The following MMP26 variants were observed in gnomAD, a reference collection of about 807,000 sequenced individuals.
The protein encoded by MMP26 is matrix metallopeptidase 26, also known as matrix metalloproteinase-26.
In MMP26, 33 loss-of-function variants were observed where a neutral mutation model predicts 31.0. That is an observed-to-expected ratio of 1.06 (90% CI 0.81 to 1.42). MMP26 has a LOEUF of 1.42. Among genes scored for constraint, MMP26 ranks in the 40% most tolerant of loss-of-function variants. The pLI is 0.00. For synonymous variants in MMP26, 122 were observed against 114.9 expected (o/e 1.06, Z -0.40); for missense variants, 347 against 316.1 (o/e 1.10, Z -0.74).
intron 2 of MMP26, among the ~76,000 whole-genome samples, chr11:4,881,432 AC>A (rs1341669548): frequency 6.6e-6 from 1 of 152,160 alleles, no homozygotes; most frequent in African/African-American, 2.4e-5. Context: ...ACATATGTAG[AC>A]TTTTATACAT....
intron 1 of MMP26, among the ~76,000 whole-genome samples, chr11:4,712,832 A>G (rs192262699): frequency 7.3e-5 from 11 of 151,498 alleles, no homozygotes; most frequent in Non-Finnish European, 1.5e-4. Flanking sequence ...CTTACAGCTT[A>G]TATCTCTTAT....
chr11:4,791,119 G>A (rs573901033), intron 2 of MMP26, among the ~76,000 whole-genome samples: 31 of 152,188 alleles, frequency 2.0e-4, no homozygotes, highest in African/African-American at 7.5e-4. Context: ...TAAATCTGAA[G>A]CGTACATAAA....
chr11:4,893,325 A>G (rs1045887030), intron 2 of MMP26, among the ~76,000 whole-genome samples: 1 of 152,158 alleles, frequency 6.6e-6, no homozygotes, highest in South Asian at 2.1e-4. Flanking sequence ...ATTAAAATCT[A>G]TACTTCTTAC....
At chr11:4,729,228 G>A (rs753741094) in intron 1 of MMP26, among the ~76,000 whole-genome samples, 20 of 152,062 alleles carry the variant, frequency 1.3e-4, no homozygotes, top group Non-Finnish European at 2.5e-4. Context: ...CAGAGTTTAA[G>A]CAGAAAATTA....
At chr11:4,706,112 A>G (rs1326075025) in intron 1 of MMP26, among the ~76,000 whole-genome samples, 1 of 152,194 alleles carries the variant, frequency 6.6e-6, no homozygotes, top group Non-Finnish European at 1.5e-5. Flanking sequence ...TACAGTGGAA[A>G]GGGGGACTCA....
chr11:4,707,542 T>A (rs1458807412), intron 1 of MMP26, among the ~76,000 whole-genome samples: 1 of 152,168 alleles, frequency 6.6e-6, no homozygotes, highest in Non-Finnish European at 1.5e-5. Context: ...GACCTTGAGG[T>A]CATTACTTGC....
At chr11:4,781,664 G>C (rs1411480239) in intron 2 of MMP26, among the ~76,000 whole-genome samples, 3 of 142,920 alleles carry the variant, frequency 2.1e-5, no homozygotes, top group Non-Finnish European at 4.5e-5. Flanking sequence ...AAACCATTCT[G>C]ATTATATAGT....
intron 2 of MMP26, among the ~76,000 whole-genome samples, chr11:4,982,254 C>T (rs1261479307): frequency 1.3e-5 from 2 of 151,888 alleles, no homozygotes; most frequent in African/African-American, 2.4e-5. Flanking sequence ...ATGTGCTATA[C>T]TTCTGTAGGA....
intron 2 of MMP26, among the ~76,000 whole-genome samples, chr11:4,879,537 C>T (rs184223612): frequency 1.0e-3 from 158 of 152,158 alleles, no homozygotes; most frequent in Non-Finnish European, 2.1e-3. Flanking sequence ...GGCTTGAGTA[C>T]CATTTCTGCA....
chr11:4,818,824 T>C (rs1849454710), intron 2 of MMP26, among the ~76,000 whole-genome samples: 2 of 152,160 alleles, frequency 1.3e-5, no homozygotes, highest in Admixed American at 1.3e-4. Flanking sequence ...GAGTCTTTCA[T>C]TTTATATTAT....
At chr11:4,839,394 C>T (rs1849764274) in intron 2 of MMP26, among the ~76,000 whole-genome samples, 1 of 151,504 alleles carries the variant, frequency 6.6e-6, no homozygotes, top group African/African-American at 2.4e-5. Flanking sequence ...CTTCCCTAAC[C>T]CCAGGCTGCA....
chr11:4,720,003 T>G (rs116211616), intron 1 of MMP26, among the ~76,000 whole-genome samples: 169 of 152,336 alleles, frequency 1.1e-3, no homozygotes, highest in African/African-American at 4.0e-3. Flanking sequence ...ATAAACGAAA[T>G]TTACCATAGA....
chr11:4,988,304 T>G lies in MMP26; in HGVS notation c.93T>G (p.Phe31Leu), dbSNP rs1463589883. 2 of 1,613,830 alleles carry G rather than the reference T, an allele frequency of 1.2e-6. No homozygotes were observed. The highest frequency in any genetic ancestry group is 1.7e-6 in the Non-Finnish European group (2 of 1,179,886). Residue 31 changes from phenylalanine (F) to leucine (L), a missense_variant, in exon 3 of 8, where the codon TTT (phenylalanine) becomes TTG (leucine). By Grantham distance (22) the Phe-to-Leu change is conservative. Coordinates refer to ENST00000380390, the MANE Select transcript of MMP26 (RefSeq NM_021801.5). ...PPAADHKGWDFVEGYFHQFFL... is the reference protein window; with the variant it reads ...PPAADHKGWDLVEGYFHQFFL... ...CTGCAGACCATAAAGGATGGGACTT[T>G]GTTGAGGTAGGTGAACGACTCAGGA... is the stretch of plus-strand genomic sequence containing the variant.
chr11:4,988,391 G>A, intron 3 of MMP26, 81 bp downstream of exon 3: 2 of 989,250 alleles, frequency 2.0e-6, no homozygotes, highest in Non-Finnish European at 3.3e-6. Flanking sequence ...ATGTGTGACT[G>A]CATGGTATAA....
At chr11:4,772,237 G>A (rs34386616) in intron 2 of MMP26, among the ~76,000 whole-genome samples, 14,421 of 152,152 alleles carry the variant, frequency 0.095, 844 homozygotes, top group Middle Eastern at 0.15. Context: ...ATTAAATGCA[G>A]AGGAAAATAA....
intron 1 of MMP26, among the ~76,000 whole-genome samples, chr11:4,722,043 G>A (rs1848019894): frequency 1.3e-5 from 2 of 152,166 alleles, no homozygotes; most frequent in African/African-American, 4.8e-5. Context: ...GAAGTGCATT[G>A]TTCTCACTTT....
At chr11:4,745,844 G>T (rs1848373159) in intron 1 of MMP26, among the ~76,000 whole-genome samples, 1 of 152,156 alleles carries the variant, frequency 6.6e-6, no homozygotes, top group African/African-American at 2.4e-5. Context: ...ATGTCATATA[G>T]TTGGAGTTAT....
chr11:4,888,857 G>A (rs952468971), intron 2 of MMP26, among the ~76,000 whole-genome samples: 1 of 152,110 alleles, frequency 6.6e-6, no homozygotes, highest in African/African-American at 2.4e-5. Flanking sequence ...TTGACTGAAT[G>A]CTCCTCAACA....
chr11:4,790,529 G>C (rs1256207955), intron 2 of MMP26, among the ~76,000 whole-genome samples: 2 of 152,134 alleles, frequency 1.3e-5, no homozygotes, highest in Non-Finnish European at 2.9e-5. Flanking sequence ...TCCAGAAGAA[G>C]GTATGTAATT....
Sources: allele counts gnomAD v4.1 joint callset (sites outside exome capture counted in the v4.1 genomes callset), GRCh38; gene constraint gnomAD v4.1.1; transcripts MANE v1.5; gene names NCBI Gene and HGNC (gene_info 2026-07-23, HGNC 2026-07-21).